NRXN3: variants seen among roughly 807,000 people sequenced by gnomAD.
NRXN3 encodes neurexin 3.
In NRXN3, 32 loss-of-function variants were observed where a neutral mutation model predicts 137.6. The observed-to-expected ratio is 0.23, with a 90% CI of 0.18 to 0.31. The LOEUF (loss-of-function observed/expected upper bound fraction) is 0.31. NRXN3 is among the 10% of genes least tolerant of loss of function. The pLI is 1.00. For synonymous variants in NRXN3, 798 were observed against 784.5 expected (o/e 1.02, Z -0.29); for missense variants, 1,574 against 2,062.5 (o/e 0.76, Z 4.59).
chr14:78,751,602 A>T (rs2098642658), intron 8 of NRXN3, among the ~76,000 whole-genome samples: 1 of 152,144 alleles, frequency 6.6e-6, no homozygotes, highest in Non-Finnish European at 1.5e-5. Flanking sequence ...TGTCTCATTA[A>T]GTCCTGGACA....
chr14:78,208,328 A>G (rs1178738776), intron 1 of NRXN3, among the ~76,000 whole-genome samples: 3 of 152,094 alleles, frequency 2.0e-5, no homozygotes, highest in African/African-American at 7.2e-5. Context: ...CAAGTTCTCT[A>G]TCCTCCTGCC....
chr14:79,733,109 C>T (rs7148188), intron 19 of NRXN3, among the ~76,000 whole-genome samples: 48,006 of 151,824 alleles, frequency 0.32, 8,160 homozygotes, highest in Middle Eastern at 0.43. Context: ...ATGTCTCTTC[C>T]GGCAACAGCA....
At chr14:78,620,792 A>G (rs1309126160) in intron 4 of NRXN3, among the ~76,000 whole-genome samples, 1 of 152,190 alleles carries the variant, frequency 6.6e-6, no homozygotes, top group African/African-American at 2.4e-5. Flanking sequence ...TACAGTTATT[A>G]TATTATTATA....
intron 10 of NRXN3, among the ~76,000 whole-genome samples, chr14:78,811,698 G>A (rs1213407681): frequency 2.0e-5 from 3 of 152,136 alleles, no homozygotes; most frequent in African/African-American, 7.2e-5. Flanking sequence ...TTTCTTGGTA[G>A]AAGATATATT....
intron 8 of NRXN3, among the ~76,000 whole-genome samples, chr14:78,754,837 T>TC (rs1018430842): frequency 2.1e-5 from 3 of 142,124 alleles, no homozygotes; most frequent in African/African-American, 7.4e-5. Flanking sequence ...AGTATACACT[T>TC]TTTTTTTTTT....
chr14:78,713,732 A>G (rs1241444438), intron 7 of NRXN3, among the ~76,000 whole-genome samples: 1 of 152,218 alleles, frequency 6.6e-6, no homozygotes, highest in African/African-American at 2.4e-5. Flanking sequence ...TTCATATGGC[A>G]GCAGGAGAGA....
At chr14:79,560,308 A>T (rs2097479137) in intron 16 of NRXN3, among the ~76,000 whole-genome samples, 1 of 151,974 alleles carries the variant, frequency 6.6e-6, no homozygotes, top group African/African-American at 2.4e-5. Context: ...TAGAGTTTAT[A>T]TTGGTAAATT....
At chr14:78,448,927 G>C (rs556334356) in intron 4 of NRXN3, among the ~76,000 whole-genome samples, 3 of 152,328 alleles carry the variant, frequency 2.0e-5, no homozygotes, top group African/African-American at 7.2e-5. Context: ...AAGTGTCTCA[G>C]CAGTCTCTCA....
intron 1 of NRXN3, among the ~76,000 whole-genome samples, chr14:78,224,000 G>T (rs1489087357): frequency 6.6e-6 from 1 of 152,038 alleles, no homozygotes; most frequent in East Asian, 1.9e-4. Flanking sequence ...ATCTACCCTG[G>T]ATATGAGCCG....
At chr14:79,621,581 G>T (rs1256005177) in intron 16 of NRXN3, among the ~76,000 whole-genome samples, 2 of 152,092 alleles carry the variant, frequency 1.3e-5, no homozygotes, top group African/African-American at 2.4e-5. Context: ...AAACCTGAAG[G>T]GACAGACTCT....
chr14:79,368,188 G>T (rs1447206581), intron 15 of NRXN3, among the ~76,000 whole-genome samples: 1 of 152,142 alleles, frequency 6.6e-6, no homozygotes, highest in Non-Finnish European at 1.5e-5. Flanking sequence ...CCCAGTTTAG[G>T]AATTGAAGTG....
At chr14:78,929,161 G>T (rs2099314645) in intron 10 of NRXN3, among the ~76,000 whole-genome samples, 1 of 152,118 alleles carries the variant, frequency 6.6e-6, no homozygotes, top group East Asian at 1.9e-4. Context: ...ATTTTTTCTT[G>T]TAAATTTGTT....
intron 4 of NRXN3, among the ~76,000 whole-genome samples, chr14:78,463,358 A>G (rs1042877860): frequency 6.9e-5 from 7 of 101,676 alleles, no homozygotes; most frequent in African/African-American, 2.2e-4. Flanking sequence ...TGCAATAAAC[A>G]TATGAGTGCC....
At chr14:79,745,678 T>C (rs2154083413) in intron 19 of NRXN3, among the ~76,000 whole-genome samples, 1 of 152,178 alleles carries the variant, frequency 6.6e-6, no homozygotes, top group African/African-American at 2.4e-5. Flanking sequence ...CTGAGTGCCT[T>C]AAAACAACTG....
intron 16 of NRXN3, among the ~76,000 whole-genome samples, chr14:79,641,672 A>G (rs2098434738): frequency 1.5e-5 from 2 of 134,918 alleles, no homozygotes; most frequent in Admixed American, 1.6e-4. Context: ...GACAGTGTCT[A>G]TCCAGGGCTT....
chr14:78,485,133 G>T (rs1258226617), intron 4 of NRXN3, among the ~76,000 whole-genome samples: 1 of 152,148 alleles, frequency 6.6e-6, no homozygotes, highest in African/African-American at 2.4e-5. Context: ...CCTGGCTCCA[G>T]GAGAGATTGA....
intron 15 of NRXN3, among the ~76,000 whole-genome samples, chr14:79,338,390 C>T (rs1046523976): frequency 1.3e-5 from 2 of 152,034 alleles, no homozygotes; most frequent in Non-Finnish European, 2.9e-5. Flanking sequence ...AATAATATAA[C>T]ATATATGATT....
At chr14:79,677,963 A>G (rs1448932699) in intron 17 of NRXN3, among the ~76,000 whole-genome samples, 1 of 152,202 alleles carries the variant, frequency 6.6e-6, no homozygotes, top group Non-Finnish European at 1.5e-5. Flanking sequence ...TGAACTATTC[A>G]GAAAGTAAAT....
intron 4 of NRXN3, among the ~76,000 whole-genome samples, chr14:78,415,360 A>G (rs894390975): frequency 2.6e-5 from 4 of 152,222 alleles, no homozygotes; most frequent in African/African-American, 9.6e-5. Flanking sequence ...TTATTCTCTC[A>G]TAACAAACTG....
Sources: allele counts gnomAD v4.1 joint callset (sites outside exome capture counted in the v4.1 genomes callset), GRCh38; gene constraint gnomAD v4.1.1; transcripts MANE v1.5; gene names NCBI Gene and HGNC (gene_info 2026-07-23, HGNC 2026-07-21).